Variants in CNTNAP5 observed in about 807,000 individuals in gnomAD.
CNTNAP5 encodes contactin-associated protein-like 5.
A neutral mutation model predicts 150.2 loss-of-function variants in CNTNAP5; 72 were observed. The ratio of observed to expected loss-of-function variants is 0.48; its 90% CI spans 0.40 to 0.58. The LOEUF is 0.58. CNTNAP5 is among the 20% of genes least tolerant of loss of function. The probability of loss-of-function intolerance (pLI) is 0.00; values close to 1 mark genes in which losing one functional copy is unlikely to be tolerated. For missense variants in CNTNAP5, 1,636 were observed against 1,626.2 expected (o/e 1.01, Z -0.10); for synonymous variants, 672 against 619.8 (o/e 1.08, Z -1.25).
At chr2:124,187,740 A>G (rs2104689690) in intron 1 of CNTNAP5, among the ~76,000 whole-genome samples, 1 of 152,350 alleles carries the variant, frequency 6.6e-6, no homozygotes, top group South Asian at 2.1e-4. Flanking sequence ...AACTCTCATT[A>G]AATTAGTTGC....
intron 13 of CNTNAP5, among the ~76,000 whole-genome samples, chr2:124,690,961 T>C (rs1006976939): frequency 4.6e-5 from 7 of 152,098 alleles, no homozygotes; most frequent in African/African-American, 1.7e-4. Flanking sequence ...GGCAGATTAA[T>C]AGGAGAAAAG....
intron 2 of CNTNAP5, among the ~76,000 whole-genome samples, chr2:124,224,042 T>G (rs1686396854): frequency 6.6e-6 from 1 of 151,970 alleles, no homozygotes; most frequent in Non-Finnish European, 1.5e-5. Flanking sequence ...GCTGTGCATT[T>G]GAATCACCTG....
rs185575808 is a variant in CNTNAP5, at chr2:124,771,431, C to A, written c.2534-1368C>A. Among the ~76,000 whole-genome samples the A allele has an allele frequency of 4.6e-5, 7 of 152,248 alleles. No individual in the cohort carries two copies. The East Asian group carries it at 1.3e-3, about 29-fold the overall frequency. ...CAGAGCAACATCGTGAAGAACCCTGCCTGTGGAGTCAGATTCTGCTAACCA... is the reference window on the plus strand; with the variant it reads ...CAGAGCAACATCGTGAAGAACCCTGACTGTGGAGTCAGATTCTGCTAACCA... On this transcript the variant is annotated intron_variant, in intron 16 of 23. Coordinates refer to ENST00000682447, the MANE Select transcript of CNTNAP5 (RefSeq NM_001367498.1).
At chr2:124,633,774 C>A (rs2105012169) in intron 12 of CNTNAP5, among the ~76,000 whole-genome samples, 1 of 152,306 alleles carries the variant, frequency 6.6e-6, no homozygotes, top group South Asian at 2.1e-4. Context: ...TTTTTGAAAT[C>A]TAGCTGGAGT....
intron 3 of CNTNAP5, among the ~76,000 whole-genome samples, chr2:124,285,993 T>C (rs1442896816): frequency 6.6e-6 from 1 of 152,228 alleles, no homozygotes; most frequent in Non-Finnish European, 1.5e-5. Flanking sequence ...AATATTTTGT[T>C]ATTAATAATA....
At chr2:124,230,677 G>T (rs933325563) in intron 2 of CNTNAP5, among the ~76,000 whole-genome samples, 1 of 151,862 alleles carries the variant, frequency 6.6e-6, no homozygotes, top group Admixed American at 6.6e-5. Flanking sequence ...GACTACAGGT[G>T]CATGCCACTG....
At chr2:124,029,734 T>G (rs1680992256) in intron 1 of CNTNAP5, among the ~76,000 whole-genome samples, 2 of 152,266 alleles carry the variant, frequency 1.3e-5, no homozygotes, top group Middle Eastern at 3.4e-3. Flanking sequence ...ACTTTATTTC[T>G]TAATGCCCAT....
intron 3 of CNTNAP5, among the ~76,000 whole-genome samples, chr2:124,285,565 C>T (rs184305162): frequency 2.0e-5 from 3 of 151,750 alleles, no homozygotes; most frequent in African/African-American, 7.3e-5. Flanking sequence ...TTTGGGAAGC[C>T]GAAGAGGTTG....
chr2:124,224,107 T>C (rs543178392), intron 2 of CNTNAP5, among the ~76,000 whole-genome samples: 4 of 152,134 alleles, frequency 2.6e-5, no homozygotes, highest in African/African-American at 9.6e-5. Flanking sequence ...TCTGAATTAA[T>C]TGTCTTGGAT....
At chr2:124,837,620 T>C (rs1056869929) in intron 19 of CNTNAP5, among the ~76,000 whole-genome samples, 4 of 152,102 alleles carry the variant, frequency 2.6e-5, no homozygotes, top group Non-Finnish European at 5.9e-5. Context: ...AGCACAGAAC[T>C]CAACAGCAAT....
chr2:124,681,853 T>C (rs1679076860), intron 13 of CNTNAP5, among the ~76,000 whole-genome samples: 1 of 152,166 alleles, frequency 6.6e-6, no homozygotes, highest in South Asian at 2.1e-4. Flanking sequence ...TGAACCACCA[T>C]GCCAGGCCCT....
At chr2:124,210,976 G>C (rs1685996024) in intron 1 of CNTNAP5, among the ~76,000 whole-genome samples, 1 of 152,092 alleles carries the variant, frequency 6.6e-6, no homozygotes, top group Admixed American at 6.6e-5. Context: ...CCCTTTAAGA[G>C]TCACCAGGTT....
chr2:124,417,154 G>A (rs1691939600), intron 3 of CNTNAP5, among the ~76,000 whole-genome samples: 1 of 151,724 alleles, frequency 6.6e-6, no homozygotes, highest in Non-Finnish European at 1.5e-5. Flanking sequence ...TAGCCAGTCT[G>A]GTCTCAGACT....
At chr2:124,181,124 C>T (rs535796358) in intron 1 of CNTNAP5, among the ~76,000 whole-genome samples, 4 of 151,662 alleles carry the variant, frequency 2.6e-5, no homozygotes, top group African/African-American at 4.8e-5. Flanking sequence ...TTCACATTTT[C>T]GATGTAATTT....
intron 20 of CNTNAP5, 112 bp downstream of exon 20, chr2:124,865,548 C>G: frequency 1.0e-6 from 1 of 980,348 alleles, no homozygotes; most frequent in South Asian, 1.7e-5. Flanking sequence ...AACATAGTTA[C>G]AAATCACACT....
chr2:124,623,880 T>C (rs746212673), intron 12 of CNTNAP5, among the ~76,000 whole-genome samples: 6 of 152,254 alleles, frequency 3.9e-5, no homozygotes, highest in Non-Finnish European at 8.8e-5. Flanking sequence ...TTGTTGCTTA[T>C]ATTTCAGAGG....
intron 3 of CNTNAP5, among the ~76,000 whole-genome samples, chr2:124,341,121 C>G (rs1466746923): frequency 6.6e-6 from 1 of 151,560 alleles, no homozygotes; most frequent in Non-Finnish European, 1.5e-5. Context: ...TCTGGTGTGT[C>G]TCACACACAC....
intron 13 of CNTNAP5, among the ~76,000 whole-genome samples, chr2:124,687,919 T>C (rs1679224698): frequency 6.6e-6 from 1 of 152,122 alleles, no homozygotes; most frequent in Non-Finnish European, 1.5e-5. Context: ...TATTCAAAAA[T>C]TGAAGAATTT....
chr2:124,166,966 CT>C (rs1199912476), intron 1 of CNTNAP5, among the ~76,000 whole-genome samples: 2 of 152,094 alleles, frequency 1.3e-5, no homozygotes, highest in African/African-American at 2.4e-5. Flanking sequence ...CACCCCTTCC[CT>C]TTTTTTCTTC....
Sources: gnomAD v4.1 joint callset for allele counts (sites outside exome capture counted in the v4.1 genomes callset) on GRCh38, gnomAD v4.1.1 for gene constraint, MANE v1.5 for transcripts, NCBI Gene and HGNC (gene_info 2026-07-23, HGNC 2026-07-21) for gene names.